Variants in MYO3B observed in about 807,000 individuals in gnomAD.
The protein encoded by MYO3B is myosin IIIB.
MYO3B carries 156 observed loss-of-function variants against 174.6 expected under a neutral mutation model. The observed-to-expected ratio is 0.89, with a 90% CI of 0.78 to 1.02. MYO3B has a LOEUF of 1.02. Ranked by LOEUF, MYO3B falls within the 50% of genes least tolerant of loss-of-function variation. The pLI, the probability that MYO3B is intolerant of heterozygous loss-of-function variation, is 0.00. For missense variants in MYO3B, 1,632 were observed against 1,639.4 expected (o/e 1.00, Z 0.08); for synonymous variants, 563 against 569.1 (o/e 0.99, Z 0.15).
At chr2:170,509,452 T>A (rs1415943394) in intron 28 of MYO3B, among the ~76,000 whole-genome samples, 2 of 152,242 alleles carry the variant, frequency 1.3e-5, no homozygotes, top group African/African-American at 4.8e-5. Context: ...CAAATTAGAT[T>A]ACAGTAAAAT....
At chr2:170,324,086 G>A (rs1041622335) in intron 7 of MYO3B, among the ~76,000 whole-genome samples, 1 of 152,088 alleles carries the variant, frequency 6.6e-6, no homozygotes, top group Non-Finnish European at 1.5e-5. Context: ...TATGTTGGGC[G>A]AAATCCTAGA....
intron 23 of MYO3B, among the ~76,000 whole-genome samples, chr2:170,444,742 A>G (rs550638917): frequency 6.6e-6 from 1 of 152,344 alleles, no homozygotes; most frequent in South Asian, 2.1e-4. Context: ...AGAATAAAAG[A>G]CTTATTTGCA....
chr2:170,583,074 C>A (rs1405529939), intron 32 of MYO3B, among the ~76,000 whole-genome samples: 2 of 150,642 alleles, frequency 1.3e-5, no homozygotes, highest in South Asian at 4.2e-4. Flanking sequence ...ACACCCCGCA[C>A]ACCCCCCACT....
chr2:170,305,418 A>C (rs2093694739), intron 7 of MYO3B, among the ~76,000 whole-genome samples: 1 of 152,138 alleles, frequency 6.6e-6, no homozygotes, highest in African/African-American at 2.4e-5. Flanking sequence ...ATTTTTCCAC[A>C]CTTATTCCTC....
At chr2:170,272,851 C>CATCTCAATCTT (rs2093435229) in intron 7 of MYO3B, among the ~76,000 whole-genome samples, 1 of 152,152 alleles carries the variant, frequency 6.6e-6, no homozygotes, top group Non-Finnish European at 1.5e-5. Context: ...CAGTTTTGTA[C>CATCTCAATCTT]GTCTCAATCT....
At chr2:170,630,083 C>T (rs530590237) in intron 32 of MYO3B, among the ~76,000 whole-genome samples, 219 of 152,296 alleles carry the variant, frequency 1.4e-3, no homozygotes, top group African/African-American at 3.1e-3. Flanking sequence ...CCATGGAGGG[C>T]GAGCTGAAGC....
At chr2:170,581,452 T>C (rs1375522896) in intron 32 of MYO3B, among the ~76,000 whole-genome samples, 1 of 152,216 alleles carries the variant, frequency 6.6e-6, no homozygotes, top group Non-Finnish European at 1.5e-5. Context: ...TAGCATTCTT[T>C]ATTGAACAGA....
At position 170,206,645 on chromosome 2, in the gene MYO3B, C is replaced by A. The variant is rs568279513; in HGVS notation, c.321+6361C>A. Among the ~76,000 whole-genome samples, 2 of 152,234 alleles carry A rather than the reference C, an allele frequency of 1.3e-5. No individual in the cohort carries two copies. Among genetic ancestry groups the A allele is most frequent in the South Asian group, 4.2e-4 (2 of 4,802 alleles). ...GAGTGGCATATTCCAGTATTTATAT[C>A]CAATTTTCACTGTCCAGTTCAAGGC... On this transcript the variant is annotated intron_variant, in intron 3 of 34. Coordinates refer to ENST00000408978, the MANE Select transcript of MYO3B (RefSeq NM_138995.5). The surrounding 1 kb of genome is among the most constrained non-coding windows in gnomAD (Gnocchi z 4.3).
chr2:170,468,866 T>C (rs946430160), intron 25 of MYO3B, among the ~76,000 whole-genome samples: 7 of 152,140 alleles, frequency 4.6e-5, no homozygotes, highest in East Asian at 1.9e-4. Context: ...GTCTAAAACA[T>C]AGGGCTGAGT....
intron 6 of MYO3B, among the ~76,000 whole-genome samples, chr2:170,231,925 A>T (rs1472247133): frequency 6.6e-6 from 1 of 152,148 alleles, no homozygotes; most frequent in Non-Finnish European, 1.5e-5. Flanking sequence ...ATAGATAGAG[A>T]GAGGTCCTGA....
intron 7 of MYO3B, among the ~76,000 whole-genome samples, chr2:170,249,352 A>C (rs558317242): frequency 3.7e-4 from 56 of 152,260 alleles, no homozygotes; most frequent in Non-Finnish European, 7.1e-4. Context: ...ACAAACCCAC[A>C]CCACCCTGCC....
chr2:170,372,999 C>G (rs1042688044), intron 9 of MYO3B, among the ~76,000 whole-genome samples: 2 of 152,044 alleles, frequency 1.3e-5, no homozygotes, highest in Non-Finnish European at 2.9e-5. Context: ...CACCATGGGC[C>G]TAAGGAGCTT....
intron 7 of MYO3B, among the ~76,000 whole-genome samples, chr2:170,247,047 C>T (rs1474330022): frequency 2.0e-5 from 3 of 152,196 alleles, no homozygotes; most frequent in African/African-American, 4.8e-5. Flanking sequence ...GAGATTCTTC[C>T]TCTCCCTTGC....
At position 170,596,742 on chromosome 2, in the gene MYO3B, T is replaced by C. The variant is rs570260605; in HGVS notation, c.3733+52754T>C. 2.4e-4 allele frequency among the ~76,000 whole-genome samples: 36 copies of C among 152,226 alleles called. No homozygotes were observed. In the South Asian group the frequency reaches 7.5e-3, roughly 32 times the overall value. ...GAAGGCCCTTTAAGGGGATAAGAAA[T>C]GGTGCATTTTGTAGAAAGCAACCTC... On this transcript the variant is annotated intron_variant, in intron 32 of 34. Transcript: ENST00000408978.
At chr2:170,263,202 G>T (rs1222482978) in intron 7 of MYO3B, among the ~76,000 whole-genome samples, 1 of 152,126 alleles carries the variant, frequency 6.6e-6, no homozygotes, top group Non-Finnish European at 1.5e-5. Flanking sequence ...TGGCTAGACG[G>T]TTTTTCTCCT....
At chr2:170,623,295 GT>G in intron 32 of MYO3B, among the ~76,000 whole-genome samples, 1 of 152,262 alleles carries the variant, frequency 6.6e-6, no homozygotes, top group South Asian at 2.1e-4. Context: ...TCTCACTGTG[GT>G]TTTGATTTGC....
At chr2:170,311,557 GTTGTCT>G (rs2093739358) in intron 7 of MYO3B, among the ~76,000 whole-genome samples, 1 of 148,790 alleles carries the variant, frequency 6.7e-6, no homozygotes, top group Non-Finnish European at 1.5e-5. Flanking sequence ...TGTTTTGTGG[GTTGTCT>G]TTTTACTTTC....
intron 32 of MYO3B, among the ~76,000 whole-genome samples, chr2:170,558,936 G>GC (rs1691529564): frequency 6.6e-6 from 1 of 152,184 alleles, no homozygotes; most frequent in Non-Finnish European, 1.5e-5. Context: ...GATGTAAGGT[G>GC]CTTAACACAC....
At chr2:170,257,500 C>G (rs1453150102) in intron 7 of MYO3B, among the ~76,000 whole-genome samples, 1 of 151,960 alleles carries the variant, frequency 6.6e-6, no homozygotes, top group Non-Finnish European at 1.5e-5. Flanking sequence ...GGGTAAATAA[C>G]AAAATTAAGG....
Sources: gnomAD v4.1 joint callset for allele counts (sites outside exome capture counted in the v4.1 genomes callset) on GRCh38, gnomAD v4.1.1 for gene constraint, Gnocchi (gnomAD v3.1) non-coding constraint, MANE v1.5 for transcripts, NCBI Gene and HGNC (gene_info 2026-07-23, HGNC 2026-07-21) for gene names.